The following CDK11A variants were observed in gnomAD, a reference collection of about 807,000 sequenced individuals.
CDK11A encodes cyclin dependent kinase 11A, also known as cyclin-dependent kinase 11A.
Under a neutral mutation model 83.6 loss-of-function variants are expected in CDK11A, and 55 were observed. The ratio of observed to expected loss-of-function variants is 0.66; its 90% CI spans 0.53 to 0.82. The LOEUF (loss-of-function observed/expected upper bound fraction) is 0.82, where lower values mean the gene tolerates loss of function less well. Ranked by LOEUF, CDK11A falls within the 40% of genes least tolerant of loss-of-function variation. The probability of loss-of-function intolerance (pLI) is 0.00; values close to 1 mark genes in which losing one functional copy is unlikely to be tolerated. For synonymous variants in CDK11A, 247 were observed against 302.7 expected, an observed-to-expected ratio of 0.82 and a Z score of 1.91; for missense variants, 564 against 810.1, an observed-to-expected ratio of 0.70 and a Z score of 3.69.
rs753671198 is a variant in CDK11A, at chr1:1,707,453, T to C, written c.1201A>G (p.Ile401Val). ...YVPDSPALLP[I>V]ELKQELPKYL... ...TTGGGCAGCTCCTGCTTGAGCTCGA[T>C]GGGCAACAGGGCAGGGGAGTCGGGC... The change falls in exon 11 of 20, where the codon ATC (isoleucine) becomes GTC (valine). Residue 401 changes from isoleucine (I) to valine (V), a missense_variant. Coordinates refer to ENST00000404249, the MANE Select transcript of CDK11A (RefSeq NM_024011.4). 5.6e-6 allele frequency: 9 copies of C among 1,607,684 alleles called. 1 individual carries two copies. The highest frequency in any genetic ancestry group is 2.7e-5 in the African/African-American group (2 of 74,126).
chr1:1,717,811 G>A (rs1333808844), intron 4 of CDK11A, among the ~76,000 whole-genome samples: 3 of 150,154 alleles, frequency 2.0e-5, no homozygotes, highest in African/African-American at 7.4e-5. Flanking sequence ...TGTGACACAC[G>A]CACGCTTTCA....
intron 11 of CDK11A, among the ~76,000 whole-genome samples, chr1:1,707,034 T>A (rs1260759943): frequency 1.4e-5 from 2 of 143,056 alleles, no homozygotes; most frequent in East Asian, 4.0e-4. Flanking sequence ...CCTGCACAGA[T>A]GCCGGTAACA....
chr1:1,719,406 G>C lies in CDK11A; in HGVS notation c.277C>G (p.Arg93Gly), dbSNP rs1059831. ...LAIKPPQQMSRKEKVHHRKDE... is the reference protein window; with the variant it reads ...LAIKPPQQMSGKEKVHHRKDE... ...TTTCTGTGATGAACTTTTTCTTTCC[G>C]AGACATTTGCTGGGGTGGTTTGATG... The change falls in exon 4 of 20, where the codon CGG becomes GGG. Residue 93 changes from arginine (R) to glycine (G), a missense_variant. By Grantham distance (125) the Arg-to-Gly change is moderately radical (BLOSUM62 -2). Coordinates refer to ENST00000404249, the MANE Select transcript of CDK11A (RefSeq NM_024011.4). The C allele has an allele frequency of 1.8e-5, 28 of 1,524,012 alleles. No homozygotes were observed. The highest frequency in any genetic ancestry group is 2.4e-5 in the Non-Finnish European group (27 of 1,135,992). 94.4% of individuals were successfully genotyped at this position (1,524,012 alleles called of 1,614,324 possible). A position where few individuals can be genotyped will look rare whatever the true frequency, so the allele number is the denominator to read the frequency against.
intron 1 of CDK11A, chr1:1,724,025 G>A (rs1229309425): frequency 2.1e-5 from 3 of 144,286 alleles, no homozygotes; most frequent in Non-Finnish European, 3.1e-5. Context: ...ATTTCCTCGG[G>A]TTCAGTCCCG....
intron 4 of CDK11A, among the ~76,000 whole-genome samples, chr1:1,718,400 G>A (rs1366029273): frequency 4.7e-5 from 7 of 148,294 alleles, no homozygotes; most frequent in African/African-American, 1.2e-4. Flanking sequence ...TGTGACACAC[G>A]CAGGCTTTTA....
intron 9 of CDK11A, among the ~76,000 whole-genome samples, chr1:1,708,551 G>A (rs567761586): frequency 0.024 from 3,062 of 125,700 alleles, 159 homozygotes; most frequent in African/African-American, 0.083. Flanking sequence ...TGAGGCGGGA[G>A]GATCACTTGA....
rs556693732 is a variant in CDK11A at position 1,721,461 on chromosome 1, C to T, written c.227+135G>A. ...CAGTAGTACAACAGCTACAACACGC[C>T]CTGTCACGGTAACTCTAGGAAAGAG... On this transcript the variant is annotated intron_variant, in intron 3 of 19. Coordinates refer to ENST00000404249, the MANE Select transcript of CDK11A (RefSeq NM_024011.4). 112 of 982,506 alleles carry T rather than the reference C, an allele frequency of 1.1e-4. No individual in the cohort carries two copies. The East Asian group carries it at 2.8e-3, about 24-fold the overall frequency. 60.9% of individuals were successfully genotyped at this position (982,506 alleles called of 1,614,324 possible).
intron 3 of CDK11A, among the ~76,000 whole-genome samples, 163 bp from the exon 4 acceptor site, chr1:1,719,618 T>G (rs1381884690): frequency 2.4e-4 from 7 of 29,524 alleles, no homozygotes; most frequent in Non-Finnish European, 7.1e-4. Flanking sequence ...CAGGCATCTT[T>G]TTTTTTTTTT....
At position 1,706,070 on chromosome 1, in the gene CDK11A, C is replaced by CT. The variant is rs1491308307; in HGVS notation, c.1246-339dup. On this transcript the variant is annotated intron_variant, in intron 11 of 19. Coordinates refer to ENST00000404249, the MANE Select transcript of CDK11A (RefSeq NM_024011.4). ...CCAGCCTGGCCAACATAGCAACACT[C>CT]TGTTTTCTTTTTTTCTTTTTGAGAT... Among the ~76,000 whole-genome samples the CT allele has an allele frequency of 1.9e-4, 12 of 61,990 alleles. No individual in the cohort carries two copies. The Admixed American group carries it at 2.1e-3, about 11-fold the overall frequency. The allele number at this position is 61,990 out of a possible 152,430, so 40.7% of individuals were successfully genotyped here.
At chr1:1,704,676 G>A (rs1362993982) in intron 13 of CDK11A, 21 bp from the exon 14 acceptor site, 1 of 1,596,098 alleles carries the variant, frequency 6.3e-7, no homozygotes, top group Non-Finnish European at 8.5e-7. Flanking sequence ...CGGCTCTGTG[G>A]GTGCTGGGCA....
Position 1,721,770 on chromosome 1 carries a change from A to G in CDK11A, c.112-59T>C, listed in dbSNP as rs866177599. On this transcript the variant is annotated intron_variant, in intron 2 of 19. Transcript: ENST00000404249. ...TATAAGTTTTTTTTTCTTCATAGAT[A>G]AAAGTATTTTTAATGATAATCAAAC... The G allele has an allele frequency of 8.3e-6, 12 of 1,445,852 alleles. No homozygotes were observed. The South Asian group carries it at 1.4e-4, about 17-fold the overall frequency. The allele number at this position is 1,445,852 out of a possible 1,614,324, so 89.6% of individuals were successfully genotyped here. A position where few individuals can be genotyped will look rare whatever the true frequency, so the allele number is the denominator to read the frequency against.
chr1:1,705,141 G>A, intron 12 of CDK11A, 116 bp from the exon 13 acceptor site: 2 of 1,408,374 alleles, frequency 1.4e-6, no homozygotes. Flanking sequence ...TCACGGAGGG[G>A]GGTCTCGTTC....
chr1:1,720,006 G>A (rs1302404861), intron 3 of CDK11A, among the ~76,000 whole-genome samples: 1 of 150,976 alleles, frequency 6.6e-6, no homozygotes, highest in East Asian at 1.9e-4. Flanking sequence ...CAGGGGGTGA[G>A]GGGCAGGTTC....
chr1:1,720,251 C>A (rs1182905949), intron 3 of CDK11A, among the ~76,000 whole-genome samples: 1 of 150,126 alleles, frequency 6.7e-6, no homozygotes, highest in Non-Finnish European at 1.5e-5. Flanking sequence ...CCCACCACCA[C>A]GCCCGGCTAA....
At position 1,704,549 on chromosome 1, in the gene CDK11A, C is replaced by T. The variant is rs762398372; in HGVS notation, c.1564+1G>A. Reference sequence around the variant, plus strand: ...GACAGGACCCCGGGGCGCGGCTGTACCTGGCAGGAAGGGCTGTTTCATGGT... The same window carrying T: ...GACAGGACCCCGGGGCGCGGCTGTATCTGGCAGGAAGGGCTGTTTCATGGT... On this transcript the variant is annotated splice_donor_variant, in intron 14 of 19. Transcript: ENST00000404249. LOFTEE classifies it high-confidence loss of function. 6.2e-7 allele frequency: 1 copy of T among 1,604,808 alleles called. No homozygotes were observed. Among genetic ancestry groups the T allele is most frequent in the Admixed American group, 1.7e-5 (1 of 59,188 alleles).
At chr1:1,707,071 C>T (rs956852754) in intron 11 of CDK11A, among the ~76,000 whole-genome samples, 2 of 143,140 alleles carry the variant, frequency 1.4e-5, no homozygotes, top group African/African-American at 5.6e-5. Context: ...ATAACCCGCC[C>T]ACGCAGGGGT....
chr1:1,714,503 T>C lies in CDK11A; in HGVS notation c.488+1843A>G. 4.4e-5 allele frequency among the ~76,000 whole-genome samples: 2 copies of C among 45,956 alleles called. 1 individual carries two copies. Among genetic ancestry groups the C allele is most frequent in the Non-Finnish European group, 2.2e-4 (2 of 9,252 alleles). The allele number at this position is 45,956 out of a possible 152,430, so 30.1% of individuals were successfully genotyped here. A position where few individuals can be genotyped will look rare whatever the true frequency, so the allele number is the denominator to read the frequency against. The stretch of plus-strand genomic sequence containing the variant: ...TGTAGCAATTCTGGATTCTAAGTTT[T>C]CCCTTTCGTTGTTACCACCAAGGCC... On this transcript the variant is annotated intron_variant, in intron 5 of 19. Coordinates refer to ENST00000404249, the MANE Select transcript of CDK11A (RefSeq NM_024011.4).
In CDK11A at chr1:1,704,976, G is replaced by A; in HGVS notation, c.1386C>T (p.Gly462=). ...TCTCCCTCAGGGACGTGATCGGGAA[G>A]CCCTCCTTCTCCTTCTCCATCTTCA... ...KRLKMEKEKE[G]FPITSLREIN... The change falls in exon 13 of 20, where the codon GGC becomes GGT. Residue 462 remains glycine, a synonymous_variant. Transcript: ENST00000404249. 6.3e-6 allele frequency: 10 copies of A among 1,598,520 alleles called. 1 individual carries two copies. Among genetic ancestry groups the A allele is most frequent in the South Asian group, 2.2e-5 (2 of 89,482 alleles).
intron 4 of CDK11A, among the ~76,000 whole-genome samples, chr1:1,718,838 G>A (rs1449973567): frequency 3.3e-5 from 5 of 150,816 alleles, no homozygotes; most frequent in African/African-American, 4.9e-5. Context: ...GGGTTTCACC[G>A]TGTTAGCCAG....
Sources: allele counts gnomAD v4.1 joint callset (sites outside exome capture counted in the v4.1 genomes callset), GRCh38; gene constraint gnomAD v4.1.1; transcripts MANE v1.5; gene names NCBI Gene and HGNC (gene_info 2026-07-23, HGNC 2026-07-21).